Variants in NR5A2 observed in about 807,000 individuals in gnomAD.
NR5A2 encodes CYP7A promoter-binding factor.
NR5A2 carries 26 observed loss-of-function variants against 62.7 expected under a neutral mutation model. The observed-to-expected ratio is 0.41, with a 90% CI of 0.30 to 0.58. The LOEUF is 0.58. Among genes scored for constraint, NR5A2 ranks in the 20% least tolerant of loss-of-function variants. NR5A2 has a pLI of 0.22. For missense variants in NR5A2, 541 were observed against 669.1 expected (o/e 0.81, Z 2.11); for synonymous variants, 246 against 241.7 (o/e 1.02, Z -0.16).
chr1:200,124,748 G>A (rs1382915755), intron 7 of NR5A2, among the ~76,000 whole-genome samples: 1 of 152,044 alleles, frequency 6.6e-6, no homozygotes, highest in Non-Finnish European at 1.5e-5. Flanking sequence ...AGACCAGCCT[G>A]GGCAACATAG....
chr1:200,096,076 C>T (rs1665083698), intron 5 of NR5A2, among the ~76,000 whole-genome samples: 1 of 151,976 alleles, frequency 6.6e-6, no homozygotes, highest in Admixed American at 6.6e-5. Flanking sequence ...TACACCCATA[C>T]CACAATGCTG....
intron 1 of NR5A2, among the ~76,000 whole-genome samples, chr1:200,035,073 G>A (rs1049113190): frequency 3.3e-5 from 5 of 152,026 alleles, no homozygotes; most frequent in African/African-American, 1.2e-4. Flanking sequence ...TCGGCTGGGA[G>A]GGGCGGAAAA....
chr1:200,034,783 CTTTTTTTTTTTTTTTTTTT>C (rs767393832), intron 1 of NR5A2, among the ~76,000 whole-genome samples: 1 of 71,282 alleles, frequency 1.4e-5, no homozygotes, highest in African/African-American at 5.3e-5. Context: ...AGCAGAAAGG[CTTTTTTTTTTTTTTTTTTT>C]TTTTTTTTTT....
intron 6 of NR5A2, among the ~76,000 whole-genome samples, chr1:200,114,137 C>T (rs1017898788): frequency 6.6e-6 from 1 of 151,872 alleles, no homozygotes. Context: ...GAGCCAAGAT[C>T]GTGCCACTGC....
At chr1:200,143,979 T>A (rs1667559777) in intron 7 of NR5A2, among the ~76,000 whole-genome samples, 1 of 152,168 alleles carries the variant, frequency 6.6e-6, no homozygotes, top group Non-Finnish European at 1.5e-5. Flanking sequence ...TCTGCATTTC[T>A]GCTCTGTTTG....
chr1:200,143,430 T>G (rs1216784131), intron 7 of NR5A2, among the ~76,000 whole-genome samples: 2 of 151,842 alleles, frequency 1.3e-5, no homozygotes, highest in East Asian at 3.9e-4. Flanking sequence ...TTTTGTTTTT[T>G]TTTTCCCCCT....
chr1:200,083,821 C>G (rs897928472), intron 5 of NR5A2, among the ~76,000 whole-genome samples: 22 of 151,698 alleles, frequency 1.5e-4, no homozygotes, highest in Non-Finnish European at 3.2e-4. Context: ...CAACATTAGC[C>G]GGGCATGGTG....
chr1:200,039,816 G>T lies in NR5A2; in HGVS notation c.202+21G>T. 1.9e-6 allele frequency: 3 copies of T among 1,586,406 alleles called. No individual in the cohort carries two copies. Among genetic ancestry groups the T allele is most frequent in the Non-Finnish European group, 2.6e-6 (3 of 1,169,030 alleles). Reference sequence around the variant, plus strand: ...GCAAGGTAAGGAGGCGCCGCGCGGCGCTCCGGCTCCCGCTGCTTCCCCACC... The same window carrying T: ...GCAAGGTAAGGAGGCGCCGCGCGGCTCTCCGGCTCCCGCTGCTTCCCCACC... On this transcript the variant is annotated intron_variant, in intron 2 of 7. Coordinates refer to ENST00000367362, the MANE Select transcript of NR5A2 (RefSeq NM_205860.3). This position sits in a 1 kb window ranked among gnomAD's most constrained non-coding sequence, Gnocchi z 5.1.
chr1:200,048,166 C>CAA lies in NR5A2; in HGVS notation c.464-5_464-4dup. The CAA allele has an allele frequency of 6.3e-7, 1 of 1,591,722 alleles. No individual in the cohort carries two copies. The highest frequency in any genetic ancestry group is 8.6e-7 in the Non-Finnish European group (1 of 1,167,266). The stretch of plus-strand genomic sequence containing the variant: ...TCCTTCCTTCCCCCCACCCCACCCC[C>CAA]AACAGCTGTAAGGGCCGACCGAATG... On this transcript the variant is annotated splice_region_variant and splice_polypyrimidine_tract_variant and intron_variant, in intron 4 of 7. Transcript: ENST00000367362. This position sits in a 1 kb window ranked among gnomAD's most constrained non-coding sequence, Gnocchi z 4.8.
rs1348474718 is a variant in NR5A2 at position 200,138,485 on chromosome 1, T to G, written c.1378+17530T>G. Among the ~76,000 whole-genome samples, 6 of 152,332 alleles carry G rather than the reference T, an allele frequency of 3.9e-5. No homozygotes were observed. The East Asian group carries it at 1.2e-3, about 29-fold the overall frequency. ...TTTTTAAATTTTCTTAAGAAATCCT[T>G]CCCAACCTTGGAGGTCTTAAAGTAC... On this transcript the variant is annotated intron_variant, in intron 7 of 7. Coordinates refer to ENST00000367362, the MANE Select transcript of NR5A2 (RefSeq NM_205860.3).
At chr1:200,113,440 C>T (rs1167486533) in intron 6 of NR5A2, among the ~76,000 whole-genome samples, 1 of 152,158 alleles carries the variant, frequency 6.6e-6, no homozygotes, top group African/African-American at 2.4e-5. Context: ...CTAGACAAAA[C>T]GTTTTGAATT....
At chr1:200,140,804 AT>A (rs1667411292) in intron 7 of NR5A2, among the ~76,000 whole-genome samples, 1 of 152,164 alleles carries the variant, frequency 6.6e-6, no homozygotes, top group Non-Finnish European at 1.5e-5. Flanking sequence ...GCCAAGGTGC[AT>A]GGATCACCTG....
rs192072196 is a variant in NR5A2 at position 200,173,815 on chromosome 1, T to G, written c.1379-148T>G. On this transcript the variant is annotated intron_variant, in intron 7 of 7. Coordinates refer to ENST00000367362, the MANE Select transcript of NR5A2 (RefSeq NM_205860.3). ...GTGATCCTTTTCCCAGGAAGTTTGG[T>G]GAGTGGGGTTTACTGAATATTCAGC... is the stretch of plus-strand genomic sequence containing the variant. 2.7e-4 allele frequency: 203 copies of G among 763,228 alleles called. 1 individual carries two copies. The African/African-American group carries it at 2.8e-3, about 11-fold the overall frequency. 47.3% of individuals were successfully genotyped at this position (763,228 alleles called of 1,614,324 possible).
At chr1:200,085,949 G>T (rs2816928) in intron 5 of NR5A2, among the ~76,000 whole-genome samples, 79,838 of 151,898 alleles carry the variant, frequency 0.53, 21,104 homozygotes, top group African/African-American at 0.58. Flanking sequence ...GGAGACAATT[G>T]TTTTAAGTCT....
intron 5 of NR5A2, among the ~76,000 whole-genome samples, chr1:200,108,768 A>G (rs1167160931): frequency 2.0e-5 from 3 of 152,252 alleles, no homozygotes; most frequent in African/African-American, 7.2e-5. Flanking sequence ...AGAATATAAT[A>G]AAACCCAGAG....
intron 7 of NR5A2, among the ~76,000 whole-genome samples, chr1:200,126,867 C>T (rs911480667): frequency 2.6e-5 from 4 of 151,986 alleles, no homozygotes; most frequent in African/African-American, 9.7e-5. Context: ...AGTCCCTCCT[C>T]TTTGCAAATA....
chr1:200,111,410 T>C, intron 6 of NR5A2, 89 bp downstream of exon 6: 5 of 1,416,730 alleles, frequency 3.5e-6, no homozygotes, highest in Non-Finnish European at 4.7e-6. Context: ...AGAAGCACTC[T>C]TGTGCTTTGA....
rs567084214 is a variant in NR5A2, at chr1:200,072,884, C to T, written c.1110+24066C>T. Among the ~76,000 whole-genome samples, 4 of 152,136 alleles carry T rather than the reference C, an allele frequency of 2.6e-5. No individual in the cohort carries two copies. In the South Asian group the frequency reaches 6.2e-4, roughly 24 times the overall value. On this transcript the variant is annotated intron_variant, in intron 5 of 7. Transcript: ENST00000367362. Reference sequence around the variant, plus strand: ...GCATAGGAAATGTTTCTAGCAAGCCCGTGAATTTAGAGGGTTAATTGATTT... The same window carrying T: ...GCATAGGAAATGTTTCTAGCAAGCCTGTGAATTTAGAGGGTTAATTGATTT...
intron 5 of NR5A2, among the ~76,000 whole-genome samples, chr1:200,098,330 C>T (rs1160565555): frequency 6.6e-6 from 1 of 151,742 alleles, no homozygotes; most frequent in Non-Finnish European, 1.5e-5. Context: ...CATTTGGTAT[C>T]TATGGTTTTG....
Sources: allele counts gnomAD v4.1 joint callset (sites outside exome capture counted in the v4.1 genomes callset), GRCh38; gene constraint gnomAD v4.1.1; non-coding constraint Gnocchi (gnomAD v3.1); transcripts MANE v1.5; gene names NCBI Gene and HGNC (gene_info 2026-07-23, HGNC 2026-07-21).